The following CYB5D1 variants were observed in gnomAD, a reference collection of about 807,000 sequenced individuals.
CYB5D1 encodes the protein cytochrome b5 domain-containing protein 1.
A neutral mutation model predicts 24.3 loss-of-function variants in CYB5D1; 30 were observed. The observed-to-expected ratio is 1.23, with a 90% CI of 0.92 to 1.67. The LOEUF (loss-of-function observed/expected upper bound fraction) is 1.67. Ranked by LOEUF, CYB5D1 falls within the 40% of genes most tolerant of loss-of-function variation. CYB5D1 has a pLI of 0.00. For synonymous variants in CYB5D1, 128 were observed against 123.2 expected, an observed-to-expected ratio of 1.04 and a Z score of -0.26; for missense variants, 265 against 296.7, an observed-to-expected ratio of 0.89 and a Z score of 0.79.
chr17:7,859,268 G>A (rs2078863823), intron 3 of CYB5D1, 114 bp from the exon 4 acceptor site: 1 of 784,672 alleles, frequency 1.3e-6, no homozygotes, highest in Admixed American at 2.6e-5. Flanking sequence ...TTTTTTCCCG[G>A]GGCCGTAGAG....
chr17:7,861,464 C>T lies in CYB5D1; in HGVS notation c.*1852C>T, dbSNP rs980696139. 5 of 152,142 alleles carry T rather than the reference C, an allele frequency of 3.3e-5. No individual in the cohort carries two copies. The highest frequency in any genetic ancestry group is 1.2e-4 in the African/African-American group (5 of 41,428). The allele number at this position is 152,142 out of a possible 1,614,324, so 9.4% of individuals were successfully genotyped here. ...TCTGCAATTATGTGTACCTTGTTTGCTCAATTAAACCCTGAACTATTTGAG... is the reference window on the plus strand; with the variant it reads ...TCTGCAATTATGTGTACCTTGTTTGTTCAATTAAACCCTGAACTATTTGAG... On this transcript the variant is annotated 3_prime_UTR_variant, in exon 4 of 4. Coordinates refer to ENST00000332439, the MANE Select transcript of CYB5D1 (RefSeq NM_144607.6).
rs1455012146 is a variant in CYB5D1, at chr17:7,859,661, CT to C, written c.*54del. 2 of 1,578,502 alleles carry C rather than the reference CT, an allele frequency of 1.3e-6. No individual in the cohort carries two copies. Among genetic ancestry groups the C allele is most frequent in the Non-Finnish European group, 8.7e-7 (1 of 1,149,746 alleles). On this transcript the variant is annotated 3_prime_UTR_variant, in exon 4 of 4. Transcript: ENST00000332439. ...GACTCAAGACGTATTTCGAGTTTGG[CT>C]TTTTCTGTGCCTTGAGGAAAAGTGG... is the stretch of plus-strand genomic sequence containing the variant.
At chr17:7,858,969 C>A in intron 3 of CYB5D1, 145 bp downstream of exon 3, 1 of 716,312 alleles carries the variant, frequency 1.4e-6, no homozygotes, top group Non-Finnish European at 2.2e-6. Context: ...GAAAGCACAG[C>A]ACCTAGGTCC....
chr17:7,859,610 T>C lies in CYB5D1; in HGVS notation c.685T>C (p.Ter229GlnextTer8), dbSNP rs201717097. 2.4e-5 allele frequency: 39 copies of C among 1,613,852 alleles called. No individual in the cohort carries two copies. In the African/African-American group the frequency reaches 4.1e-4, roughly 17 times the overall value. The change falls in exon 4 of 4, where the codon TAG (stop) becomes CAG (glutamine). Residue 229 changes from the stop codon to glutamine (Q), a stop_lost. Transcript: ENST00000332439. ...LYFNDDLTEL[*>Q] ...CTTCAATGATGATCTCACGGAGTTG[T>C]AGGCAAGGAGATGTACACTCGTGTA...
chr17:7,859,609 G>A lies in CYB5D1; in HGVS notation c.684G>A (p.Leu228=), dbSNP rs1307714728. ...LLYFNDDLTE[L] ...ACTTCAATGATGATCTCACGGAGTT[G>A]TAGGCAAGGAGATGTACACTCGTGT... is the stretch of plus-strand genomic sequence containing the variant. Residue 228 remains leucine, a synonymous_variant, in exon 4 of 4, where the codon TTG becomes TTA. Transcript: ENST00000332439. 6.2e-7 allele frequency: 1 copy of A among 1,613,904 alleles called. No homozygotes were observed. Among genetic ancestry groups the A allele is most frequent in the Non-Finnish European group, 8.5e-7 (1 of 1,179,868 alleles).
chr17:7,858,243 T>G lies in CYB5D1; in HGVS notation c.109T>G (p.Ser37Ala). 6.2e-7 allele frequency: 1 copy of G among 1,613,994 alleles called. No individual in the cohort carries two copies. Among genetic ancestry groups the G allele is most frequent in the Admixed American group, 1.7e-5 (1 of 60,032 alleles). The change falls in exon 1 of 4, where the codon TCT becomes GCT. Residue 37 changes from serine (S) to alanine (A), a missense_variant. By Grantham distance (99) the Ser-to-Ala change is moderately conservative (BLOSUM62 1). Coordinates refer to ENST00000332439, the MANE Select transcript of CYB5D1 (RefSeq NM_144607.6). ...QHNRPEDLWV[S>A]YLGRVYDLTS... Reference sequence around the variant, plus strand: ...TAACAGGCCCGAAGACCTCTGGGTATCTTACCTGGGACGCGTGTACGACCT... The same window carrying G: ...TAACAGGCCCGAAGACCTCTGGGTAGCTTACCTGGGACGCGTGTACGACCT...
At chr17:7,858,500 G>T in intron 2 of CYB5D1, 21 bp downstream of exon 2, 1 of 1,614,172 alleles carries the variant, frequency 6.2e-7, no homozygotes, top group South Asian at 1.1e-5. Context: ...CTGGAACCTG[G>T]GATTGTGGGT....
In CYB5D1 at chr17:7,861,948, C is replaced by T. The variant is rs2078886296; in HGVS notation, c.*2336C>T. 6.6e-6 allele frequency: 1 copy of T among 152,230 alleles called. No individual in the cohort carries two copies. Among genetic ancestry groups the T allele is most frequent in the Non-Finnish European group, 1.5e-5 (1 of 68,062 alleles). 9.4% of individuals were successfully genotyped at this position (152,230 alleles called of 1,614,324 possible). A position where few individuals can be genotyped will look rare whatever the true frequency, so the allele number is the denominator to read the frequency against. On this transcript the variant is annotated 3_prime_UTR_variant, in exon 4 of 4. Coordinates refer to ENST00000332439, the MANE Select transcript of CYB5D1 (RefSeq NM_144607.6). ...TCTATGGCCTAGACACACTGGCTTT[C>T]AGTTCATTACATGTCTTGCCTCAGA...
chr17:7,859,700 G>A lies in CYB5D1; in HGVS notation c.*88G>A. On this transcript the variant is annotated 3_prime_UTR_variant, in exon 4 of 4. Coordinates refer to ENST00000332439, the MANE Select transcript of CYB5D1 (RefSeq NM_144607.6). ...TGAGGAAAAGTGGTGGGGCCGAGGG[G>A]TGCCTGGACCCAGATCTCCACTCCT... is the stretch of plus-strand genomic sequence containing the variant. 1 of 1,213,286 alleles carries A rather than the reference G, an allele frequency of 8.2e-7. No homozygotes were observed. Among genetic ancestry groups the A allele is most frequent in the South Asian group, 1.3e-5 (1 of 77,216 alleles). 75.2% of individuals were successfully genotyped at this position (1,213,286 alleles called of 1,614,324 possible). A position where few individuals can be genotyped will look rare whatever the true frequency, so the allele number is the denominator to read the frequency against.
rs143510456 is a variant in CYB5D1 at position 7,858,245 on chromosome 17, T to C, written c.111T>C (p.Ser37=). The C allele has an allele frequency of 4.2e-5, 67 of 1,614,038 alleles. No individual in the cohort carries two copies. In the African/African-American group the frequency reaches 7.2e-4, roughly 17 times the overall value. Residue 37 remains serine (S), a synonymous_variant, in exon 1 of 4, where the codon TCT becomes TCC. Coordinates refer to ENST00000332439, the MANE Select transcript of CYB5D1 (RefSeq NM_144607.6). ...ACAGGCCCGAAGACCTCTGGGTATC[T>C]TACCTGGGACGCGTGTACGACCTAA... ...QHNRPEDLWV[S]YLGRVYDLTS... is the part of the protein sequence containing the mutation.
At chr17:7,859,053 G>T (rs2078861396) in intron 3 of CYB5D1, 1 of 571,466 alleles carries the variant, frequency 1.7e-6, no homozygotes, top group East Asian at 2.9e-5. Flanking sequence ...GGGAACAGCA[G>T]TTCATGTATC....
rs895968258 is a variant in CYB5D1, at chr17:7,861,718, C to G, written c.*2106C>G. On this transcript the variant is annotated 3_prime_UTR_variant, in exon 4 of 4. Transcript: ENST00000332439. ...TCTCCAAGTTACCATCACCTCTTGT[C>G]TAAACTGCTACGGAAACTTCCTAAC... 2.0e-5 allele frequency: 3 copies of G among 152,220 alleles called. No individual in the cohort carries two copies. The South Asian group carries it at 6.2e-4, about 32-fold the overall frequency. 9.4% of individuals were successfully genotyped at this position (152,220 alleles called of 1,614,324 possible).
Position 7,859,688 on chromosome 17 carries a change from T to C in CYB5D1, c.*76T>C. ...TTTTCTGTGCCTTGAGGAAAAGTGG[T>C]GGGGCCGAGGGGTGCCTGGACCCAG... On this transcript the variant is annotated 3_prime_UTR_variant, in exon 4 of 4. Transcript: ENST00000332439. 1 of 1,407,088 alleles carries C rather than the reference T, an allele frequency of 7.1e-7. No individual in the cohort carries two copies. Among genetic ancestry groups the C allele is most frequent in the Non-Finnish European group, 1.0e-6 (1 of 1,002,072 alleles). The allele number at this position is 1,407,088 out of a possible 1,614,324, so 87.2% of individuals were successfully genotyped here.
intron 3 of CYB5D1, 148 bp downstream of exon 3, chr17:7,858,972 C>A: frequency 1.4e-6 from 1 of 710,640 alleles, no homozygotes; most frequent in Non-Finnish European, 2.2e-6. Context: ...AGCACAGCAC[C>A]TAGGTCCCCA....
intron 3 of CYB5D1, 197 bp from the exon 4 acceptor site, chr17:7,859,185 G>T: frequency 1.7e-6 from 1 of 605,550 alleles, no homozygotes; most frequent in Non-Finnish European, 2.9e-6. Context: ...TGGCCATCCG[G>T]TAGTTAGAAG....
In CYB5D1 at chr17:7,859,237, T is replaced by C. The variant is rs2078863441; in HGVS notation, c.457-145T>C. 9.2e-6 allele frequency: 6 copies of C among 651,286 alleles called. No individual in the cohort carries two copies. The East Asian group carries it at 1.6e-4, about 18-fold the overall frequency. The allele number at this position is 651,286 out of a possible 1,614,324, so 40.3% of individuals were successfully genotyped here. On this transcript the variant is annotated intron_variant, in intron 3 of 3. Coordinates refer to ENST00000332439, the MANE Select transcript of CYB5D1 (RefSeq NM_144607.6). ...CTGTAGGACTTTAGGGTCTGCTCATTGCATGCTGGAGTTTCAGCTTTTTTT... is the reference window on the plus strand; with the variant it reads ...CTGTAGGACTTTAGGGTCTGCTCATCGCATGCTGGAGTTTCAGCTTTTTTT...
Position 7,859,545 on chromosome 17 carries a change from G to A in CYB5D1, c.620G>A (p.Ser207Asn). The change falls in exon 4 of 4, where the codon AGT becomes AAT. Residue 207 changes from serine (S) to asparagine (N), a missense_variant. By Grantham distance (46) the Ser-to-Asn change is conservative (BLOSUM62 1). Transcript: ENST00000332439. Reference sequence around the variant, plus strand: ...GAGGAGGAAGAATTTGACTATCTCAGTATGGACGGTACACTTCACACACCT... The same window carrying A: ...GAGGAGGAAGAATTTGACTATCTCAATATGGACGGTACACTTCACACACCT... Reference protein sequence around the residue: ...RDEEEEFDYLSMDGTLHTPAI... With the variant: ...RDEEEEFDYLNMDGTLHTPAI... 2 of 1,614,218 alleles carry A rather than the reference G, an allele frequency of 1.2e-6. No homozygotes were observed. Among genetic ancestry groups the A allele is most frequent in the Admixed American group, 1.7e-5 (1 of 60,028 alleles).
rs1395219166 is a variant in CYB5D1 at position 7,858,610 on chromosome 17, G to GC, written c.243dup (p.Lys82GlnfsTer46). ...GCCCCAAACCCTCCTTTAAAGATCC[G>GC]CAAGCACATAGATCCGCTGACCGGC... On this transcript the variant is annotated frameshift_variant, in exon 3 of 4. Coordinates refer to ENST00000332439, the MANE Select transcript of CYB5D1 (RefSeq NM_144607.6). LOFTEE classifies it high-confidence loss of function. 6.2e-6 allele frequency: 10 copies of GC among 1,605,160 alleles called. No homozygotes were observed. The highest frequency in any genetic ancestry group is 1.7e-4 in the Middle Eastern group (1 of 6,018).
chr17:7,858,978 C>G, intron 3 of CYB5D1, 154 bp downstream of exon 3: 1 of 682,726 alleles, frequency 1.5e-6, no homozygotes, highest in East Asian at 2.8e-5. Context: ...GCACCTAGGT[C>G]CCCAGGGTTG....
Sources: gnomAD v4.1 joint callset for allele counts on GRCh38, gnomAD v4.1.1 for gene constraint, MANE v1.5 for transcripts, NCBI Gene and HGNC (gene_info 2026-07-23, HGNC 2026-07-21) for gene names.